Variants in CDH18 observed in about 807,000 individuals in gnomAD.
The protein encoded by CDH18 is cadherin 18.
In CDH18, 31 loss-of-function variants were observed where a neutral mutation model predicts 67.9. That is an observed-to-expected ratio of 0.46 (90% confidence interval 0.34 to 0.62). The LOEUF (loss-of-function observed/expected upper bound fraction) is 0.62, where lower values mean the gene tolerates loss of function less well. Among genes scored for constraint, CDH18 ranks in the 20% least tolerant of loss-of-function variants. The pLI is 0.01. For synonymous variants in CDH18, 362 were observed against 347.2 expected (o/e 1.04, Z -0.48); for missense variants, 890 against 975.5 (o/e 0.91, Z 1.17).
At chr5:19,878,306 C>T (rs779940869) in intron 2 of CDH18, among the ~76,000 whole-genome samples, 1 of 152,056 alleles carries the variant, frequency 6.6e-6, no homozygotes, top group Non-Finnish European at 1.5e-5. Flanking sequence ...ACATGGCAGA[C>T]CTTCAACCAT....
At chr5:20,408,270 C>A (rs1033018829) in intron 1 of CDH18, among the ~76,000 whole-genome samples, 1 of 152,006 alleles carries the variant, frequency 6.6e-6, no homozygotes, top group African/African-American at 2.4e-5. Context: ...GAAAACAATG[C>A]TCAAATTGAA....
At chr5:20,346,271 A>C (rs1202146574) in intron 1 of CDH18, among the ~76,000 whole-genome samples, 1 of 152,120 alleles carries the variant, frequency 6.6e-6, no homozygotes, top group East Asian at 1.9e-4. Context: ...TATTCTTCCA[A>C]AGCTTTTGCT....
chr5:19,838,274 T>C (rs530592664), intron 3 of CDH18, among the ~76,000 whole-genome samples: 2 of 152,174 alleles, frequency 1.3e-5, no homozygotes, highest in Non-Finnish European at 2.9e-5. Flanking sequence ...GAATATTAGA[T>C]ATTTTCTAAT....
rs1182560233 is a variant in CDH18 at position 20,028,144 on chromosome 5, C to T, written c.-517-36130G>A. ...AACATAATTGCGGTGTTTGTCATTA[C>T]TTTTAATGGCAAAAACTGAAACTAC... is the stretch of plus-strand genomic sequence containing the variant. On this transcript the variant is annotated intron_variant, in intron 2 of 14. Coordinates refer to the CDH18 transcript ENST00000507958. Among the ~76,000 whole-genome samples, 4 of 151,000 alleles carry T rather than the reference C, an allele frequency of 2.6e-5. No homozygotes were observed. The South Asian group carries it at 8.3e-4, about 31-fold the overall frequency.
intron 3 of CDH18, among the ~76,000 whole-genome samples, chr5:19,767,359 C>A (rs920797637): frequency 1.3e-5 from 2 of 151,202 alleles, no homozygotes; most frequent in South Asian, 2.1e-4. Context: ...AGAGTAGTTG[C>A]GAATAAGGAG....
At chr5:19,802,415 A>T (rs1777567970) in intron 3 of CDH18, among the ~76,000 whole-genome samples, 1 of 152,186 alleles carries the variant, frequency 6.6e-6, no homozygotes, top group South Asian at 2.1e-4. Context: ...TAAGTTTAAA[A>T]AAGAAAGGTA....
intron 5 of CDH18, among the ~76,000 whole-genome samples, chr5:19,647,270 C>T (rs1490871079): frequency 6.6e-6 from 1 of 151,832 alleles, no homozygotes; most frequent in East Asian, 1.9e-4. Context: ...CGCCTACAAT[C>T]CCAGCACTTT....
intron 2 of CDH18, among the ~76,000 whole-genome samples, chr5:20,081,499 T>G (rs1291142649): frequency 1.3e-5 from 2 of 152,170 alleles, no homozygotes; most frequent in East Asian, 3.9e-4. Flanking sequence ...CATGCATAAA[T>G]ACATTCACCA....
chr5:20,307,156 G>A (rs193017388), intron 1 of CDH18, among the ~76,000 whole-genome samples: 22 of 141,302 alleles, frequency 1.6e-4, no homozygotes, highest in Admixed American at 1.3e-3. Flanking sequence ...TGGCAACTTA[G>A]AGAGAGAGAA....
chr5:19,951,953 G>A (rs1039540240), intron 2 of CDH18, among the ~76,000 whole-genome samples: 1 of 152,110 alleles, frequency 6.6e-6, no homozygotes, highest in Non-Finnish European at 1.5e-5. Context: ...TGAACATAGA[G>A]AGAAACAGAA....
At chr5:19,574,891 T>C (rs533329632) in intron 7 of CDH18, among the ~76,000 whole-genome samples, 1 of 152,086 alleles carries the variant, frequency 6.6e-6, no homozygotes, top group Admixed American at 6.5e-5. Flanking sequence ...ATACAAAAAT[T>C]AGCCGGGTGT....
chr5:19,757,969 A>G (rs1771831457), intron 3 of CDH18, among the ~76,000 whole-genome samples: 1 of 152,180 alleles, frequency 6.6e-6, no homozygotes, highest in Non-Finnish European at 1.5e-5. Context: ...GTGCAGAACC[A>G]TCTGTGAACC....
At chr5:20,115,119 A>C (rs1053141114) in intron 2 of CDH18, among the ~76,000 whole-genome samples, 10 of 151,994 alleles carry the variant, frequency 6.6e-5, no homozygotes. Context: ...GTGCTAGCCA[A>C]TTTGGTTCTT....
At chr5:19,530,502 A>G (rs1173152610) in intron 9 of CDH18, among the ~76,000 whole-genome samples, 4 of 152,194 alleles carry the variant, frequency 2.6e-5, no homozygotes, top group Non-Finnish European at 4.4e-5. Flanking sequence ...TTACATATGT[A>G]TACATGTGCC....
chr5:20,435,940 C>A (rs138963157), intron 1 of CDH18, among the ~76,000 whole-genome samples: 1 of 151,968 alleles, frequency 6.6e-6, no homozygotes, highest in South Asian at 2.1e-4. Flanking sequence ...GTTTATATTG[C>A]CTTTTCGTTA....
At chr5:20,492,437 T>A (rs575260672) in intron 1 of CDH18, among the ~76,000 whole-genome samples, 58 of 152,294 alleles carry the variant, frequency 3.8e-4, no homozygotes, top group African/African-American at 1.1e-3. Context: ...CATTTTATAT[T>A]TTTTGAACTT....
At chr5:20,254,626 G>T (rs1744094148) in intron 2 of CDH18, among the ~76,000 whole-genome samples, 1 of 152,174 alleles carries the variant, frequency 6.6e-6, no homozygotes, top group South Asian at 2.1e-4. Flanking sequence ...ACAGATCCTG[G>T]AAAGGCTGTA....
At chr5:19,755,127 C>G (rs1027968877) in intron 3 of CDH18, among the ~76,000 whole-genome samples, 1 of 150,318 alleles carries the variant, frequency 6.7e-6, no homozygotes, top group Admixed American at 6.6e-5. Flanking sequence ...AAACCAAACC[C>G]AAACCCAGCA....
intron 7 of CDH18, among the ~76,000 whole-genome samples, chr5:19,581,617 T>C (rs980165670): frequency 6.6e-6 from 1 of 151,956 alleles, no homozygotes; most frequent in Non-Finnish European, 1.5e-5. Flanking sequence ...GACCTCTTCT[T>C]TGTCTGATTC....
Sources: gnomAD v4.1 joint callset for allele counts (sites outside exome capture counted in the v4.1 genomes callset) on GRCh38, gnomAD v4.1.1 for gene constraint, MANE v1.5 for transcripts, NCBI Gene and HGNC (gene_info 2026-07-23, HGNC 2026-07-21) for gene names.